Variants in RNF31 observed in about 807,000 individuals in gnomAD.
RNF31 encodes E3 ubiquitin-protein ligase RNF31.
In RNF31, 38 loss-of-function variants were observed where a neutral mutation model predicts 133.6. That is an observed-to-expected ratio of 0.28 (90% CI 0.22 to 0.37). The LOEUF (loss-of-function observed/expected upper bound fraction) is 0.37, where lower values mean the gene tolerates loss of function less well. Ranked by LOEUF, RNF31 falls within the 10% of genes least tolerant of loss-of-function variation. The probability of loss-of-function intolerance (pLI) is 1.00; values close to 1 mark genes in which losing one functional copy is unlikely to be tolerated. For synonymous variants in RNF31, 582 were observed against 552.3 expected (o/e 1.05, Z -0.75); for missense variants, 1,118 against 1,394.1 (o/e 0.80, Z 3.15).
intron 18 of RNF31, 30 bp downstream of exon 18, chr14:24,158,229 G>A (rs1359645569): frequency 6.2e-7 from 1 of 1,608,594 alleles, no homozygotes; most frequent in Non-Finnish European, 8.5e-7. Flanking sequence ...TTTGAGAAGA[G>A]GAGATGGTGT....
At position 24,147,957 on chromosome 14, in the gene RNF31, C is replaced by T; in HGVS notation, c.193-19C>T. On this transcript the variant is annotated intron_variant, in intron 1 of 20. Transcript: ENST00000324103. ...AGGCCCAGGCCACGCTCACACCTCT[C>T]TGCTCTCCTTGCTCCCAGCCCCGAA... 6.2e-7 allele frequency: 1 copy of T among 1,614,188 alleles called. No homozygotes were observed. Among genetic ancestry groups the T allele is most frequent in the Non-Finnish European group, 8.5e-7 (1 of 1,180,024 alleles).
Position 24,151,865 on chromosome 14 carries a change from A to G in RNF31, c.2003A>G (p.Glu668Gly). ...GAGCTGGCACTGTCACTGCTGCAGG[A>G]GACACCCAGGAACTATGAGTTGGGG... The part of the protein sequence containing the change: ...RAELALSLLQ[E>G]TPRNYELGDV... The change falls in exon 11 of 21, where the codon GAG (glutamate) becomes GGG (glycine). Residue 668 changes from glutamate (E) to glycine (G), a missense_variant. By Grantham distance (98) the Glu-to-Gly change is moderately conservative. Around this residue, in one of 3 missense-constraint regions of RNF31, gnomAD observed 201 missense variants for 371.7 expected, o/e 0.54. Transcript: ENST00000324103. This position sits in a 1 kb window ranked among gnomAD's most constrained non-coding sequence, Gnocchi z 5.3. The G allele has an allele frequency of 3.1e-6, 5 of 1,614,148 alleles. No individual in the cohort carries two copies. Among genetic ancestry groups the G allele is most frequent in the Non-Finnish European group, 4.2e-6 (5 of 1,180,018 alleles).
Position 24,150,416 on chromosome 14 carries a change from C to A in RNF31, c.1165C>A (p.Arg389=). 6.2e-7 allele frequency: 1 copy of A among 1,612,194 alleles called. No individual in the cohort carries two copies. The highest frequency in any genetic ancestry group is 8.5e-7 in the Non-Finnish European group (1 of 1,179,258). ...GCCTCCCAGCTTGGTGGTGGATTCC[C>A]GAGATGCTGGCATTTGCCTGCAACC... ...AQPPSLVVDS[R]DAGICLQPLQ... The change falls in exon 7 of 21, where the codon CGA becomes AGA. Residue 389 remains arginine, a synonymous_variant. Transcript: ENST00000324103.
Position 24,150,644 on chromosome 14 carries a change from G to A in RNF31, c.1244G>A (p.Cys415Tyr). 1 of 1,614,250 alleles carries A rather than the reference G, an allele frequency of 6.2e-7. No homozygotes were observed. The highest frequency in any genetic ancestry group is 8.5e-7 in the Non-Finnish European group (1 of 1,180,036). ...TCTGCCCAGAGTCAAGTCTGGTACT[G>A]TATTCACTGTACCTTCTGCAACTCG... ...LASAQSQVWYCIHCTFCNSSP... is the reference protein window; with the variant it reads ...LASAQSQVWYYIHCTFCNSSP... Residue 415 changes from cysteine to tyrosine, a missense_variant, in exon 8 of 21, where the codon TGT (cysteine) becomes TAT (tyrosine). Around this residue, in one of 3 missense-constraint regions of RNF31, gnomAD observed 747 missense variants for 827.9 expected, o/e 0.90. Coordinates refer to ENST00000324103, the MANE Select transcript of RNF31 (RefSeq NM_017999.5).
intron 5 of RNF31, 66 bp downstream of exon 5, chr14:24,148,942 C>T (rs2038220701): frequency 2.3e-6 from 3 of 1,310,886 alleles, no homozygotes; most frequent in South Asian, 1.2e-5. Flanking sequence ...GGATGCTCCT[C>T]TGTCTTCTTG....
chr14:24,151,774 A>G lies in RNF31; in HGVS notation c.1924-12A>G. On this transcript the variant is annotated splice_polypyrimidine_tract_variant and intron_variant, in intron 10 of 20. Transcript: ENST00000324103. This position sits in a 1 kb window ranked among gnomAD's most constrained non-coding sequence, Gnocchi z 5.3. Reference sequence around the variant, plus strand: ...GACAGCACTTCCCCCCTCCACCTGAATCATATTGCAGAGCCTGGTCAGGCG... The same window carrying G: ...GACAGCACTTCCCCCCTCCACCTGAGTCATATTGCAGAGCCTGGTCAGGCG... The G allele has an allele frequency of 6.2e-7, 1 of 1,603,788 alleles. No individual in the cohort carries two copies. The highest frequency in any genetic ancestry group is 8.5e-7 in the Non-Finnish European group (1 of 1,173,834).
intron 11 of RNF31, 134 bp downstream of exon 11, chr14:24,152,126 G>C: frequency 1.2e-6 from 1 of 828,798 alleles, no homozygotes; most frequent in Non-Finnish European, 1.8e-6. Context: ...TCCTGGGAGG[G>C]GGAAGTCAGG....
At chr14:24,159,663 G>T in intron 18 of RNF31, 1 of 458,996 alleles carries the variant, frequency 2.2e-6, no homozygotes, top group Non-Finnish European at 3.9e-6. Context: ...ATAAAAGTAG[G>T]GACAAGGTCC....
intron 5 of RNF31, 59 bp from the exon 6 acceptor site, chr14:24,149,347 C>A (rs1050612660): frequency 6.6e-7 from 1 of 1,524,750 alleles, no homozygotes; most frequent in South Asian, 1.2e-5. Context: ...CCATCCACAG[C>A]AGATTCAGAT....
Position 24,160,100 on chromosome 14 carries a change from G to T in RNF31, c.2997-139G>T. On this transcript the variant is annotated intron_variant, in intron 19 of 20. Transcript: ENST00000324103. This position sits in a 1 kb window ranked among gnomAD's most constrained non-coding sequence, Gnocchi z 4.0. ...GAGGAGGCTTTCTGGGCAAGGGCAT[G>T]GGTAGATAGTAGCAGGCAGTGTGGG... The T allele has an allele frequency of 7.6e-7, 1 of 1,309,232 alleles. No homozygotes were observed. The allele number at this position is 1,309,232 out of a possible 1,614,324, so 81.1% of individuals were successfully genotyped here.
chr14:24,153,122 G>T (rs568079040), intron 11 of RNF31, among the ~76,000 whole-genome samples: 1 of 151,876 alleles, frequency 6.6e-6, no homozygotes, highest in South Asian at 2.1e-4. Flanking sequence ...TTGTGTGTGT[G>T]TGTGACAGTG....
chr14:24,148,412 A>G lies in RNF31; in HGVS notation c.494A>G (p.Gln165Arg). Residue 165 changes from glutamine (Q) to arginine (R), a missense_variant and splice_region_variant, in exon 3 of 21, where the codon CAG (glutamine) becomes CGG (arginine). Physicochemically the swap from Gln to Arg is conservative, Grantham distance 43. Coordinates refer to ENST00000324103, the MANE Select transcript of RNF31 (RefSeq NM_017999.5). ...LLRTELSLLL[Q>R]NTHPRQQALE... ...CGGACAGAGCTCAGCCTGCTATTGCAGGTGAGATGCTCCTCTAGTCTTGAT... is the reference window on the plus strand; with the variant it reads ...CGGACAGAGCTCAGCCTGCTATTGCGGGTGAGATGCTCCTCTAGTCTTGAT... 6.2e-7 allele frequency: 1 copy of G among 1,613,720 alleles called. No homozygotes were observed. The highest frequency in any genetic ancestry group is 8.5e-7 in the Non-Finnish European group (1 of 1,180,002).
intron 11 of RNF31, among the ~76,000 whole-genome samples, chr14:24,154,574 G>A (rs570621440): frequency 7.2e-5 from 11 of 152,284 alleles, no homozygotes; most frequent in African/African-American, 1.4e-4. Flanking sequence ...CAGCGTGCCC[G>A]GCCCCCAGTG....
rs368164854 is a variant in RNF31, at chr14:24,151,305, C to T, written c.1663C>T (p.Arg555Trp). ...GGGTGCCTTTTCCTGTCAGGAGGCC[C>T]GGAGAGCCTGGCTGGATCGTCATGG... Reference protein sequence around the residue: ...GLGAFSCQEARRAWLDRHGNL... With the variant: ...GLGAFSCQEAWRAWLDRHGNL... The change falls in exon 9 of 21, where the codon CGG becomes TGG. Residue 555 changes from arginine (R) to tryptophan (W), a missense_variant. By Grantham distance (101) the Arg-to-Trp change is moderately radical. Coordinates refer to ENST00000324103, the MANE Select transcript of RNF31 (RefSeq NM_017999.5). This position sits in a 1 kb window ranked among gnomAD's most constrained non-coding sequence, Gnocchi z 5.3. The T allele has an allele frequency of 5.5e-5, 88 of 1,614,072 alleles. No homozygotes were observed. The highest frequency in any genetic ancestry group is 6.6e-5 in the Non-Finnish European group (78 of 1,180,038).
At chr14:24,153,284 AAAAT>A (rs2038295692) in intron 11 of RNF31, among the ~76,000 whole-genome samples, 1 of 151,386 alleles carries the variant, frequency 6.6e-6, no homozygotes, top group African/African-American at 2.4e-5. Flanking sequence ...CATCTCTAAA[AAAAT>A]AAATAAAGGT....
intron 18 of RNF31, among the ~76,000 whole-genome samples, chr14:24,159,025 T>A (rs1313477017): frequency 9.9e-6 from 1 of 101,132 alleles, no homozygotes; most frequent in Non-Finnish European, 1.8e-5. Flanking sequence ...AGAGCGAGAC[T>A]TCGTCTCAAA....
intron 6 of RNF31, 27 bp from the exon 7 acceptor site, chr14:24,150,034 C>G: frequency 6.6e-7 from 1 of 1,525,444 alleles, no homozygotes; most frequent in South Asian, 1.3e-5. Context: ...GCCACTTCAG[C>G]AGGCCATGTC....
chr14:24,156,301 G>GTTTA (rs536973040), intron 14 of RNF31, among the ~76,000 whole-genome samples: 73 of 152,088 alleles, frequency 4.8e-4, no homozygotes, highest in South Asian at 4.8e-3. Context: ...TTTATCTTTC[G>GTTTA]TTTATTTATT....
Position 24,150,210 on chromosome 14 carries a change from G to A in RNF31, c.959G>A (p.Cys320Tyr). 6.2e-7 allele frequency: 1 copy of A among 1,614,212 alleles called. No individual in the cohort carries two copies. Among genetic ancestry groups the A allele is most frequent in the Non-Finnish European group, 8.5e-7 (1 of 1,180,026 alleles). Residue 320 changes from cysteine to tyrosine, a missense_variant, in exon 7 of 21, where the codon TGT becomes TAT. By Grantham distance (194) the Cys-to-Tyr change is radical (BLOSUM62 -2). Around this residue, in one of 3 missense-constraint regions of RNF31, gnomAD observed 747 missense variants for 827.9 expected, o/e 0.90. Transcript: ENST00000324103. The stretch of plus-strand genomic sequence containing the variant: ...CTAAATGAGCCTTGGGCAGTGCTCT[G>A]TGTGGCCTGTGATCGGCCCCGAGGC... ...AMLNEPWAVLCVACDRPRGCK... is the reference protein window; with the variant it reads ...AMLNEPWAVLYVACDRPRGCK...
Sources: gnomAD v4.1 joint callset for allele counts (sites outside exome capture counted in the v4.1 genomes callset) on GRCh38, gnomAD v4.1.1 for gene constraint, gnomAD v4.1.1 regional missense constraint, Gnocchi (gnomAD v3.1) non-coding constraint, MANE v1.5 for transcripts, NCBI Gene and HGNC (gene_info 2026-07-23, HGNC 2026-07-21) for gene names.